Variants in BAZ2B observed in about 807,000 individuals in gnomAD.
BAZ2B encodes bromodomain adjacent to zinc finger domain protein 2B.
In BAZ2B, 91 loss-of-function variants were observed where a neutral mutation model predicts 246.0. That is an observed-to-expected ratio of 0.37 (90% CI 0.31 to 0.44). The LOEUF is 0.44. BAZ2B is among the 20% of genes least tolerant of loss of function. The pLI is 1.00. For synonymous variants in BAZ2B, 855 were observed against 860.0 expected (o/e 0.99, Z 0.10); for missense variants, 2,332 against 2,533.7 (o/e 0.92, Z 1.71).
chr2:159,357,208 C>G (rs992746204), intron 27 of BAZ2B, among the ~76,000 whole-genome samples: 3 of 151,714 alleles, frequency 2.0e-5, no homozygotes, highest in Non-Finnish European at 4.4e-5. Flanking sequence ...TAACCCAATG[C>G]GATGAAGCTA....
intron 1 of BAZ2B, among the ~76,000 whole-genome samples, chr2:159,564,574 T>C (rs1442820959): frequency 6.6e-5 from 10 of 152,196 alleles, no homozygotes; most frequent in Non-Finnish European, 1.5e-4. Context: ...TTATTTTTGA[T>C]ATTTGATTGC....
chr2:159,413,247 C>G (rs984800891), intron 13 of BAZ2B, among the ~76,000 whole-genome samples: 2 of 152,122 alleles, frequency 1.3e-5, no homozygotes, highest in Non-Finnish European at 1.5e-5. Flanking sequence ...TTAAACTATA[C>G]GGCAAAATCC....
intron 4 of BAZ2B, among the ~76,000 whole-genome samples, chr2:159,451,559 C>A (rs2075098626): frequency 6.6e-6 from 1 of 152,160 alleles, no homozygotes; most frequent in Non-Finnish European, 1.5e-5. Context: ...GTATGCTCAT[C>A]TAGGCATACT....
chr2:159,507,385 C>T (rs576518200), intron 2 of BAZ2B, among the ~76,000 whole-genome samples: 2 of 152,054 alleles, frequency 1.3e-5, no homozygotes, highest in East Asian at 3.9e-4. Flanking sequence ...AAAATCTAAA[C>T]AATTATATCT....
intron 36 of BAZ2B, among the ~76,000 whole-genome samples, chr2:159,321,183 C>G (rs2062672930): frequency 6.6e-6 from 1 of 152,158 alleles, no homozygotes; most frequent in Admixed American, 6.5e-5. Context: ...ATGGTCATTT[C>G]AAACCAACTC....
intron 10 of BAZ2B, 93 bp downstream of exon 10, chr2:159,430,770 C>T (rs772890977): frequency 5.3e-5 from 80 of 1,508,482 alleles, no homozygotes; most frequent in Non-Finnish European, 6.7e-5. Context: ...AATCTTGATT[C>T]CAGTGAGATC....
chr2:159,409,422 G>A (rs1305886485), intron 14 of BAZ2B, among the ~76,000 whole-genome samples: 1 of 152,136 alleles, frequency 6.6e-6, no homozygotes, highest in East Asian at 1.9e-4. Flanking sequence ...CAACAAGCAG[G>A]TTTATTTATA....
At chr2:159,477,590 T>C (rs2078748768) in intron 3 of BAZ2B, among the ~76,000 whole-genome samples, 1 of 152,080 alleles carries the variant, frequency 6.6e-6, no homozygotes, top group Admixed American at 6.5e-5. Context: ...TCCATTTTAA[T>C]TCTGAATAAG....
chr2:159,446,039 G>A (rs1221110907), intron 6 of BAZ2B, among the ~76,000 whole-genome samples: 6 of 152,096 alleles, frequency 3.9e-5, no homozygotes, highest in Admixed American at 6.6e-5. Context: ...ACTTAAGCCC[G>A]GGAGGTGGAA....
intron 23 of BAZ2B, among the ~76,000 whole-genome samples, chr2:159,384,308 C>T (rs192168288): frequency 1.1e-4 from 16 of 152,058 alleles, no homozygotes; most frequent in Middle Eastern, 3.4e-3. Context: ...TGAAATTATT[C>T]TTTCATAAAA....
At chr2:159,428,121 C>T in intron 12 of BAZ2B, 79 bp from the exon 13 acceptor site, 2 of 1,362,186 alleles carry the variant, frequency 1.5e-6, no homozygotes, top group East Asian at 4.6e-5. Flanking sequence ...CTTCAGGACA[C>T]TAATGTTTTG....
chr2:159,336,848 A>G, intron 33 of BAZ2B, 94 bp downstream of exon 33: 1 of 1,108,614 alleles, frequency 9.0e-7, no homozygotes, highest in African/African-American at 1.6e-5. Context: ...CATTATTATG[A>G]CAATAGGTAA....
intron 3 of BAZ2B, chr2:159,459,027 C>T (rs1478433578): frequency 1.3e-5 from 2 of 152,084 alleles, no homozygotes; most frequent in Non-Finnish European, 2.9e-5. Flanking sequence ...CCTCCAAAGC[C>T]TATATAACAT....
intron 3 of BAZ2B, among the ~76,000 whole-genome samples, chr2:159,469,945 T>A (rs1171080062): frequency 6.6e-6 from 1 of 152,102 alleles, no homozygotes; most frequent in Non-Finnish European, 1.5e-5. Context: ...TTCCAACAAA[T>A]CAACTGCAAG....
At chr2:159,451,609 C>T (rs1170528208) in intron 4 of BAZ2B, among the ~76,000 whole-genome samples, 1 of 152,178 alleles carries the variant, frequency 6.6e-6, no homozygotes, top group Non-Finnish European at 1.5e-5. Context: ...GTCTGTTCAT[C>T]TATCTCCTAA....
intron 3 of BAZ2B, among the ~76,000 whole-genome samples, chr2:159,469,049 CAA>C (rs560336551): frequency 1.6e-4 from 10 of 62,608 alleles, no homozygotes; most frequent in African/African-American, 4.0e-4. Flanking sequence ...GACTCTGTCT[CAA>C]AAAAAAAAAA....
the BAZ2B span, among the ~76,000 whole-genome samples, chr2:159,666,899 G>C: frequency 2.0e-5 from 3 of 151,850 alleles, no homozygotes; most frequent in African/African-American, 7.3e-5. Context: ...TGGACACAGA[G>C]AGGGGAACAT....
Position 159,324,923 on chromosome 2 carries a change from C to T in BAZ2B, c.6241G>A (p.Asp2081Asn), listed in dbSNP as rs1389055121. ...ACAGGAAGTAGAAAAGGCCATGCAT[C>T]CTCATGAGTTTCCATTTCAGTCAGA... is the stretch of plus-strand genomic sequence containing the variant. ...MILTEMETHE[D>N]AWPFLLPVNL... Residue 2081 changes from aspartate to asparagine, a missense_variant, in exon 36 of 37, where the codon GAT (aspartate) becomes AAT (asparagine). Asp to Asn is a conservative substitution (Grantham distance 23). This residue lies in a region of BAZ2B where 210 missense variants were observed against 232.5 expected (regional missense o/e 0.90). Coordinates refer to ENST00000392783, the MANE Select transcript of BAZ2B (RefSeq NM_013450.4). The T allele has an allele frequency of 1.3e-6, 2 of 1,549,418 alleles. No homozygotes were observed. Among genetic ancestry groups the T allele is most frequent in the Non-Finnish European group, 1.7e-6 (2 of 1,157,352 alleles).
intron 25 of BAZ2B, 67 bp downstream of exon 25, chr2:159,382,492 C>T (rs1182489953): frequency 6.8e-7 from 1 of 1,464,324 alleles, no homozygotes; most frequent in Non-Finnish European, 9.1e-7. Flanking sequence ...CATCTGACTC[C>T]AAATTCTGTT....
Sources: gnomAD v4.1 joint callset for allele counts (sites outside exome capture counted in the v4.1 genomes callset) on GRCh38, gnomAD v4.1.1 for gene constraint, gnomAD v4.1.1 regional missense constraint, MANE v1.5 for transcripts, NCBI Gene and HGNC (gene_info 2026-07-23, HGNC 2026-07-21) for gene names.